NAV3: variants seen among roughly 807,000 people sequenced by gnomAD.
NAV3 encodes the protein pore membrane and/or filament interacting like protein 1.
In NAV3, 87 loss-of-function variants were observed where a neutral mutation model predicts 244.7. The ratio of observed to expected loss-of-function variants is 0.36; its 90% CI spans 0.30 to 0.42. The LOEUF is 0.42. Among genes scored for constraint, NAV3 ranks in the 20% least tolerant of loss-of-function variants. The pLI is 1.00. For synonymous variants in NAV3, 1,126 were observed against 1,042.2 expected, an observed-to-expected ratio of 1.08 and a Z score of -1.55; for missense variants, 2,663 against 2,893.3, an observed-to-expected ratio of 0.92 and a Z score of 1.83.
chr12:77,736,072 T>C (rs1877321729), intron 2 of NAV3, among the ~76,000 whole-genome samples: 4 of 152,202 alleles, frequency 2.6e-5, no homozygotes, highest in South Asian at 4.1e-4. Flanking sequence ...CTTGTAAAAA[T>C]ATCTGTAATT....
chr12:77,953,561 C>G (rs968578528), intron 3 of NAV3, among the ~76,000 whole-genome samples: 1 of 152,094 alleles, frequency 6.6e-6, no homozygotes, highest in African/African-American at 2.4e-5. Flanking sequence ...AATCACAGAC[C>G]AACTAAACAA....
intron 12 of NAV3, among the ~76,000 whole-genome samples, chr12:78,108,215 G>T (rs1227338169): frequency 6.6e-6 from 1 of 152,028 alleles, no homozygotes; most frequent in African/African-American, 2.4e-5. Flanking sequence ...AAAGACAAAG[G>T]ATGTTATTAT....
At chr12:78,045,321 A>C (rs1881593110) in intron 9 of NAV3, among the ~76,000 whole-genome samples, 1 of 151,982 alleles carries the variant, frequency 6.6e-6, no homozygotes, top group Non-Finnish European at 1.5e-5. Flanking sequence ...GTTGAGGCAG[A>C]GTCTTGCTCC....
Position 78,118,277 on chromosome 12 carries a change from C to T in NAV3, c.3020C>T (p.Thr1007Ile), listed in dbSNP as rs773926628. The change falls in exon 14 of 40, where the codon ACA (threonine) becomes ATA (isoleucine). Residue 1007 changes from threonine (T) to isoleucine (I), a missense_variant. Physicochemically the swap from Thr to Ile is moderately conservative, Grantham distance 89. This residue lies in a region of NAV3 where 1,521 missense variants were observed against 1,497.0 expected (regional missense o/e 1.02). Transcript: ENST00000397909. ...GCGCCATCTAGGCAGAAAGCTGGAA[C>T]AAGTGCACTCAAAACACCCGGTAGG... ...GGAPSRQKAG[T>I]SALKTPGKTD... The T allele has an allele frequency of 1.1e-5, 17 of 1,607,056 alleles. No homozygotes were observed. The highest frequency in any genetic ancestry group is 1.3e-5 in the African/African-American group (1 of 74,662).
intron 20 of NAV3, among the ~76,000 whole-genome samples, chr12:78,140,888 A>AT (rs1324091430): frequency 3.5e-4 from 52 of 149,818 alleles, no homozygotes; most frequent in Non-Finnish European, 4.0e-4. Flanking sequence ...ATTTTATTTT[A>AT]TTTATTTATT....
At chr12:77,667,662 C>T (rs915988474) in intron 2 of NAV3, among the ~76,000 whole-genome samples, 2 of 152,096 alleles carry the variant, frequency 1.3e-5, no homozygotes, top group African/African-American at 4.8e-5. Context: ...GGTAGTCTTT[C>T]TCTACCCACT....
chr12:78,024,519 C>T (rs1183876577), intron 9 of NAV3, among the ~76,000 whole-genome samples: 1 of 152,108 alleles, frequency 6.6e-6, no homozygotes. Flanking sequence ...AGTTCATGAA[C>T]CACTGTCATC....
At chr12:77,635,484 T>C (rs1287094777) in intron 2 of NAV3, among the ~76,000 whole-genome samples, 1 of 152,232 alleles carries the variant, frequency 6.6e-6, no homozygotes, top group Non-Finnish European at 1.5e-5. Context: ...AATCTTTATA[T>C]GTTTTTAAAG....
At chr12:77,948,579 G>T (rs898712303) in intron 3 of NAV3, among the ~76,000 whole-genome samples, 6 of 151,186 alleles carry the variant, frequency 4.0e-5, no homozygotes, top group African/African-American at 1.5e-4. Context: ...TACAATCATT[G>T]TATTTGAAGA....
rs887894588 is a variant in NAV3, at chr12:77,694,298, C to T, written c.72+122032C>T. On this transcript the variant is annotated intron_variant, in intron 2 of 8. Coordinates refer to the NAV3 transcript ENST00000550042. ...TGGCTAACATGGTGAAACCCCATCT[C>T]TACTAAAAAAAAAAAATACAAAAAA... 6.6e-5 allele frequency among the ~76,000 whole-genome samples: 10 copies of T among 151,138 alleles called. No individual in the cohort carries two copies. The South Asian group carries it at 1.0e-3, about 16-fold the overall frequency.
At chr12:77,950,344 C>T (rs1186388702) in intron 3 of NAV3, among the ~76,000 whole-genome samples, 4 of 152,086 alleles carry the variant, frequency 2.6e-5, no homozygotes, top group African/African-American at 7.2e-5. Context: ...GGATTTTGGC[C>T]GTCCTAATAG....
At chr12:77,982,086 T>A (rs1272147804) in intron 5 of NAV3, among the ~76,000 whole-genome samples, 1 of 152,208 alleles carries the variant, frequency 6.6e-6, no homozygotes, top group East Asian at 1.9e-4. Context: ...TTTGCTTTGA[T>A]AAATATAGTT....
chr12:77,778,167 C>CCTCCT (rs1565810129), intron 2 of NAV3, among the ~76,000 whole-genome samples: 1 of 127,568 alleles, frequency 7.8e-6, no homozygotes, highest in Non-Finnish European at 1.7e-5. Flanking sequence ...CCTCCCCTCC[C>CCTCCT]CTCCTCTGCC....
intron 2 of NAV3, among the ~76,000 whole-genome samples, chr12:77,585,089 T>G (rs1266160878): frequency 6.6e-6 from 1 of 152,148 alleles, no homozygotes; most frequent in Non-Finnish European, 1.5e-5. Context: ...TGCTGGCAGA[T>G]GGTGCTGGCA....
intron 1 of NAV3, among the ~76,000 whole-genome samples, chr12:77,861,874 C>T (rs1288522283): frequency 6.6e-6 from 1 of 151,806 alleles, no homozygotes; most frequent in Non-Finnish European, 1.5e-5. Context: ...AGAATAGTCC[C>T]TACTCCGCAA....
At chr12:78,177,438 C>A in intron 27 of NAV3, 125 bp downstream of exon 27, 2 of 1,181,596 alleles carry the variant, frequency 1.7e-6, no homozygotes, top group Non-Finnish European at 2.4e-6. Context: ...TGATGGACAG[C>A]ATTAGTTTCT....
intron 12 of NAV3, among the ~76,000 whole-genome samples, chr12:78,078,539 G>T (rs1290723970): frequency 1.3e-5 from 2 of 150,144 alleles, no homozygotes; most frequent in Non-Finnish European, 3.0e-5. Context: ...GGGACTACAG[G>T]CGCCCGCCAC....
intron 2 of NAV3, among the ~76,000 whole-genome samples, chr12:77,725,460 C>T (rs777054202): frequency 1.0e-4 from 15 of 148,748 alleles, no homozygotes; most frequent in Non-Finnish European, 1.8e-4. Flanking sequence ...TTTAACATGC[C>T]TTTGCAAGTT....
At chr12:77,624,789 T>C (rs1010135211) in intron 2 of NAV3, among the ~76,000 whole-genome samples, 1 of 152,250 alleles carries the variant, frequency 6.6e-6, no homozygotes, top group African/African-American at 2.4e-5. Flanking sequence ...TCGAGCCCTT[T>C]CAAATACTGT....
Sources: allele counts gnomAD v4.1 joint callset (sites outside exome capture counted in the v4.1 genomes callset), GRCh38; gene constraint gnomAD v4.1.1; regional missense constraint gnomAD v4.1.1; transcripts MANE v1.5; gene names NCBI Gene and HGNC (gene_info 2026-07-23, HGNC 2026-07-21).